Variants in TBC1D5 observed in about 807,000 individuals in gnomAD.
The protein encoded by TBC1D5 is TBC1 domain family member 5.
In TBC1D5, 75 loss-of-function variants were observed where a neutral mutation model predicts 100.3. The ratio of observed to expected loss-of-function variants is 0.75; its 90% confidence interval spans 0.62 to 0.91. The LOEUF is 0.91. TBC1D5 is among the 40% of genes least tolerant of loss of function. The pLI is 0.00. For missense variants in TBC1D5, 910 were observed against 942.4 expected, an observed-to-expected ratio of 0.97 and a Z score of 0.45; for synonymous variants, 323 against 325.6, an observed-to-expected ratio of 0.99 and a Z score of 0.09.
chr3:17,366,606 C>T (rs1181313083), intron 13 of TBC1D5, among the ~76,000 whole-genome samples: 1 of 152,026 alleles, frequency 6.6e-6, no homozygotes, highest in Non-Finnish European at 1.5e-5. Context: ...ATATAAAGCT[C>T]ATTGAAAAGA....
intron 1 of TBC1D5, among the ~76,000 whole-genome samples, chr3:17,727,245 G>A (rs2076201714): frequency 6.6e-6 from 1 of 152,166 alleles, no homozygotes; most frequent in Non-Finnish European, 1.5e-5. Flanking sequence ...GCTGGGCACG[G>A]TGGCGCATGC....
chr3:17,388,678 G>A (rs1188045196), intron 8 of TBC1D5, among the ~76,000 whole-genome samples: 4 of 118,458 alleles, frequency 3.4e-5, no homozygotes, highest in Admixed American at 3.3e-4. Flanking sequence ...GCGAGACCCT[G>A]CCTTTACAAA....
intron 18 of TBC1D5, among the ~76,000 whole-genome samples, chr3:17,212,614 C>T (rs1286920483): frequency 6.6e-6 from 1 of 151,952 alleles, no homozygotes; most frequent in Admixed American, 6.6e-5. Flanking sequence ...GTCACTGCCC[C>T]CAAAGACCCT....
chr3:17,523,873 T>C (rs2096093646), intron 2 of TBC1D5, among the ~76,000 whole-genome samples: 1 of 152,102 alleles, frequency 6.6e-6, no homozygotes, highest in African/African-American at 2.4e-5. Context: ...ATATAGTACA[T>C]AAAGAGAAAC....
At chr3:17,290,171 A>T (rs1479141157) in intron 15 of TBC1D5, among the ~76,000 whole-genome samples, 1 of 152,140 alleles carries the variant, frequency 6.6e-6, no homozygotes, top group Non-Finnish European at 1.5e-5. Flanking sequence ...GAAGGTGGGG[A>T]ATTCCCTTTT....
chr3:17,707,126 A>G (rs2074264067), intron 1 of TBC1D5, among the ~76,000 whole-genome samples: 1 of 152,080 alleles, frequency 6.6e-6, no homozygotes, highest in Non-Finnish European at 1.5e-5. Context: ...AATTTGAGAT[A>G]AATTCAAAGA....
At chr3:17,346,600 A>G (rs1464748271) in intron 13 of TBC1D5, among the ~76,000 whole-genome samples, 1 of 152,112 alleles carries the variant, frequency 6.6e-6, no homozygotes, top group Non-Finnish European at 1.5e-5. Context: ...ACCCATCAAC[A>G]TCTCCTTAAT....
intron 1 of TBC1D5, chr3:17,705,983 C>CTTTT: frequency 3.3e-6 from 4 of 1,224,534 alleles, no homozygotes; most frequent in Non-Finnish European, 3.3e-6. Context: ...TTTCTTTACT[C>CTTTT]TTTTTTTTTT....
intron 19 of TBC1D5, among the ~76,000 whole-genome samples, chr3:17,180,476 A>C (rs561190349): frequency 4.7e-4 from 71 of 152,368 alleles, no homozygotes; most frequent in African/African-American, 1.6e-3. Flanking sequence ...CATGTGTGAC[A>C]AAAACATAGG....
chr3:17,447,375 G>T (rs1201826564), intron 3 of TBC1D5, among the ~76,000 whole-genome samples: 1 of 152,132 alleles, frequency 6.6e-6, no homozygotes, highest in Non-Finnish European at 1.5e-5. Context: ...AAACACAGGG[G>T]TTGAATATAT....
intron 13 of TBC1D5, among the ~76,000 whole-genome samples, chr3:17,324,088 C>A (rs2085772015): frequency 6.6e-6 from 1 of 152,130 alleles, no homozygotes; most frequent in South Asian, 2.1e-4. Flanking sequence ...GTCTTTTTCA[C>A]AAATGATGTT....
chr3:17,410,887 C>A (rs1377191596), intron 4 of TBC1D5, among the ~76,000 whole-genome samples: 1 of 152,074 alleles, frequency 6.6e-6, no homozygotes. Flanking sequence ...AAAATGATAT[C>A]AAAGAATTTA....
chr3:17,707,798 A>T (rs568291074), intron 1 of TBC1D5, among the ~76,000 whole-genome samples: 1 of 152,222 alleles, frequency 6.6e-6, no homozygotes, highest in African/African-American at 2.4e-5. Flanking sequence ...AACAGGAAGA[A>T]TTAAAAACAA....
At chr3:17,498,980 G>A (rs1367725113) in intron 3 of TBC1D5, among the ~76,000 whole-genome samples, 1 of 152,084 alleles carries the variant, frequency 6.6e-6, no homozygotes, top group Non-Finnish European at 1.5e-5. Context: ...GGTCTTTGGG[G>A]ACCTCTACTT....
chr3:17,230,360 A>G (rs1419881601), intron 17 of TBC1D5, among the ~76,000 whole-genome samples: 1 of 152,098 alleles, frequency 6.6e-6, no homozygotes, highest in Non-Finnish European at 1.5e-5. Flanking sequence ...TGTGACTCCC[A>G]CATTATGCCT....
At chr3:17,161,075 G>A (rs1313875805) in exon 22 of TBC1D5, 2 of 1,614,234 alleles carry the variant, frequency 1.2e-6, no homozygotes, top group Admixed American at 3.3e-5. Context: ...CAGTGGATCT[G>A]AGAACACCAG....
At chr3:17,312,072 T>C (rs964176930) in intron 13 of TBC1D5, among the ~76,000 whole-genome samples, 1 of 152,118 alleles carries the variant, frequency 6.6e-6, no homozygotes, top group Non-Finnish European at 1.5e-5. Context: ...TAGGCTCTTA[T>C]ATTGGGTTTC....
At chr3:17,371,016 T>TA (rs1294705938) in intron 13 of TBC1D5, among the ~76,000 whole-genome samples, 2 of 151,974 alleles carry the variant, frequency 1.3e-5, no homozygotes, top group Admixed American at 1.3e-4. Context: ...TCACATTTAC[T>TA]AAAATCACTA....
chr3:17,529,614 G>A (rs1015444843), intron 2 of TBC1D5, among the ~76,000 whole-genome samples: 1 of 151,908 alleles, frequency 6.6e-6, no homozygotes. Flanking sequence ...TGCCTAACAC[G>A]GTGCTGGTAC....
Sources: allele counts gnomAD v4.1 joint callset (sites outside exome capture counted in the v4.1 genomes callset), GRCh38; gene constraint gnomAD v4.1.1; transcripts MANE v1.5; gene names NCBI Gene and HGNC (gene_info 2026-07-23, HGNC 2026-07-21).